Variants in CDCA2 observed in about 807,000 individuals in gnomAD.
The protein encoded by CDCA2 is cell division cycle associated 2.
A neutral mutation model predicts 67.0 loss-of-function variants in CDCA2; 44 were observed. The ratio of observed to expected loss-of-function variants is 0.66; its 90% CI spans 0.52 to 0.84. CDCA2 has a LOEUF of 0.84. Among genes scored for constraint, CDCA2 ranks in the 40% least tolerant of loss-of-function variants. CDCA2 has a pLI of 0.00. For missense variants in CDCA2, 1,253 were observed against 1,203.2 expected, an observed-to-expected ratio of 1.04 and a Z score of -0.61; for synonymous variants, 447 against 418.7, an observed-to-expected ratio of 1.07 and a Z score of -0.82.
At chr8:25,479,785 A>T in intron 7 of CDCA2, 128 bp from the exon 8 acceptor site, 1 of 798,546 alleles carries the variant, frequency 1.3e-6, no homozygotes, top group East Asian at 2.6e-5. Flanking sequence ...GTTACTGCCC[A>T]ATCAGGTTAT....
chr8:25,498,217 T>C lies in CDCA2; in HGVS notation c.1672-5156T>C, dbSNP rs542823390. ...TGTTGAATTACATTTTGTTTTGTTTTGTTTTGTTGGAATGGAGTCTCGCTC... is the reference window on the plus strand; with the variant it reads ...TGTTGAATTACATTTTGTTTTGTTTCGTTTTGTTGGAATGGAGTCTCGCTC... On this transcript the variant is annotated intron_variant, in intron 13 of 14. Transcript: ENST00000330560. Among the ~76,000 whole-genome samples the C allele has an allele frequency of 2.0e-4, 31 of 152,136 alleles. 1 individual carries two copies. The highest frequency in any genetic ancestry group is 4.1e-4 in the South Asian group (2 of 4,822).
rs185294585 is a variant in CDCA2 at position 25,495,611 on chromosome 8, T to G, written c.1671+6922T>G. On this transcript the variant is annotated intron_variant, in intron 13 of 14. Coordinates refer to ENST00000330560, the MANE Select transcript of CDCA2 (RefSeq NM_152562.4). ...TTATTTTTTATTTTTTAGTAGAGAC[T>G]GGGTTTCACCATGTTAGCCAGGATG... 3.6e-3 allele frequency among the ~76,000 whole-genome samples: 553 copies of G among 152,170 alleles called. 3 individuals are homozygous for G. Among genetic ancestry groups the G allele is most frequent in the Middle Eastern group, 6.8e-3 (2 of 294 alleles).
chr8:25,460,631 T>C lies in CDCA2; in HGVS notation c.232+77T>C. 1.4e-6 allele frequency: 2 copies of C among 1,444,284 alleles called. 1 individual carries two copies. The highest frequency in any genetic ancestry group is 2.7e-5 in the South Asian group (2 of 75,008). 89.5% of individuals were successfully genotyped at this position (1,444,284 alleles called of 1,614,324 possible). The stretch of plus-strand genomic sequence containing the variant: ...TTAATATAACTCAGCTTTATTTGTT[T>C]ATACGTACTGTCATATTTTAGGTAC... On this transcript the variant is annotated intron_variant, in intron 3 of 14. Transcript: ENST00000330560.
intron 8 of CDCA2, 50 bp downstream of exon 8, chr8:25,480,174 G>A: frequency 7.0e-7 from 1 of 1,436,616 alleles, no homozygotes; most frequent in Non-Finnish European, 9.7e-7. Flanking sequence ...AATGCATTTT[G>A]CTTCAAAGTA....
At chr8:25,485,671 A>G in intron 10 of CDCA2, 88 bp from the exon 11 acceptor site, 1 of 665,586 alleles carries the variant, frequency 1.5e-6, no homozygotes, top group Non-Finnish European at 2.5e-6. Flanking sequence ...AGTTTCTCCT[A>G]CCAAAATAAA....
chr8:25,478,208 A>G (rs1803424662), intron 7 of CDCA2, among the ~76,000 whole-genome samples: 1 of 152,130 alleles, frequency 6.6e-6, no homozygotes, highest in East Asian at 1.9e-4. Flanking sequence ...GGGATTACAG[A>G]TGTGAGCCAC....
At chr8:25,486,648 CAAAAA>C (rs34058825) in intron 11 of CDCA2, among the ~76,000 whole-genome samples, 1 of 137,470 alleles carries the variant, frequency 7.3e-6, no homozygotes, top group South Asian at 2.4e-4. Context: ...ACTGAAAATA[CAAAAA>C]AAAAAAAAAA....
chr8:25,481,719 C>G (rs1442688012), intron 8 of CDCA2, among the ~76,000 whole-genome samples: 2 of 152,028 alleles, frequency 1.3e-5, no homozygotes, highest in African/African-American at 2.4e-5. Context: ...ACATTTACAA[C>G]TAATGATCTT....
chr8:25,490,534 G>A (rs1803961558), intron 13 of CDCA2, among the ~76,000 whole-genome samples: 2 of 152,096 alleles, frequency 1.3e-5, no homozygotes, highest in African/African-American at 4.8e-5. Flanking sequence ...GAGGAGCTGG[G>A]AGCCGGCCTG....
intron 7 of CDCA2, among the ~76,000 whole-genome samples, chr8:25,477,838 G>A (rs11135869): frequency 0.56 from 84,367 of 151,754 alleles, 24,691 homozygotes; most frequent in Middle Eastern, 0.67. Flanking sequence ...GCTCATCTCT[G>A]TTTTCCTCAT....
intron 7 of CDCA2, among the ~76,000 whole-genome samples, chr8:25,476,921 G>A (rs1259092380): frequency 3.3e-5 from 5 of 152,042 alleles, no homozygotes; most frequent in African/African-American, 9.7e-5. Context: ...TGTCTGAGTT[G>A]TCTCCTCTCT....
In CDCA2 at chr8:25,487,340, T is replaced by C. The variant is rs1803818545; in HGVS notation, c.1533+6T>C. ...GGACTTCTAACAGAAGAAATGTAAG[T>C]GTTTGTGTTTGGCACAACGTATTTG... On this transcript the variant is annotated splice_donor_region_variant and intron_variant, in intron 12 of 14. Coordinates refer to ENST00000330560, the MANE Select transcript of CDCA2 (RefSeq NM_152562.4). 1.9e-6 allele frequency: 3 copies of C among 1,555,842 alleles called. No individual in the cohort carries two copies. Among genetic ancestry groups the C allele is most frequent in the Admixed American group, 1.7e-5 (1 of 58,226 alleles).
At chr8:25,495,421 C>CTTT (rs10674772) in intron 13 of CDCA2, among the ~76,000 whole-genome samples, 65 of 148,210 alleles carry the variant, frequency 4.4e-4, no homozygotes, top group South Asian at 4.3e-4. Context: ...TGGGATAAAT[C>CTTT]TTTTTTTTTT....
chr8:25,465,434 T>C (rs1007737972), intron 4 of CDCA2, among the ~76,000 whole-genome samples: 19 of 152,218 alleles, frequency 1.2e-4, no homozygotes, highest in African/African-American at 4.3e-4. Context: ...ATTTAATTTT[T>C]ATGTAAAGGG....
At position 25,462,211 on chromosome 8, in the gene CDCA2, A is replaced by G. The variant is rs1034124998; in HGVS notation, c.387+3A>G. 1 of 1,613,706 alleles carries G rather than the reference A, an allele frequency of 6.2e-7. No homozygotes were observed. The highest frequency in any genetic ancestry group is 8.5e-7 in the Non-Finnish European group (1 of 1,179,650). ...TGGCACAAGATTCTCCTTCCCAGGT[A>G]TGATTTTCTTCTAAGTTCTGTCGTG... On this transcript the variant is annotated splice_donor_region_variant and intron_variant, in intron 4 of 14. Coordinates refer to ENST00000330560, the MANE Select transcript of CDCA2 (RefSeq NM_152562.4).
At chr8:25,498,196 G>A (rs1804311567) in intron 13 of CDCA2, among the ~76,000 whole-genome samples, 1 of 151,928 alleles carries the variant, frequency 6.6e-6, no homozygotes, top group South Asian at 2.1e-4. Context: ...GTGTTTTGTT[G>A]AATTACATTT....
At position 25,507,667 on chromosome 8, in the gene CDCA2, C is replaced by T; in HGVS notation, c.3001C>T (p.Leu1001Phe). Residue 1001 changes from leucine to phenylalanine, a missense_variant, in exon 15 of 15, where the codon CTT becomes TTT. By Grantham distance (22) the Leu-to-Phe change is conservative (BLOSUM62 0). Coordinates refer to ENST00000330560, the MANE Select transcript of CDCA2 (RefSeq NM_152562.4). ...CAAAGGCTACCGGAGAAGATCCTCT[C>T]TTAATGGGAAGGGAGAGAGCTCTCT... ...QFKGYRRRSSLNGKGESSLTA... is the reference protein window; with the variant it reads ...QFKGYRRRSSFNGKGESSLTA... The T allele has an allele frequency of 6.2e-7, 1 of 1,614,160 alleles. No homozygotes were observed.
intron 7 of CDCA2, among the ~76,000 whole-genome samples, chr8:25,475,417 G>A (rs1803310506): frequency 6.6e-6 from 1 of 152,198 alleles, no homozygotes; most frequent in African/African-American, 2.4e-5. Context: ...TACTCAGGAG[G>A]CTGAGGCAGG....
rs544754302 is a variant in CDCA2, at chr8:25,506,155, C to G, written c.1844-355C>G. ...AAGCATAATGTTGCCCATTTGCAGT[C>G]ATTCATTTTCAGGGAAATGGGAAAT... On this transcript the variant is annotated intron_variant, in intron 14 of 14. Coordinates refer to ENST00000330560, the MANE Select transcript of CDCA2 (RefSeq NM_152562.4). Among the ~76,000 whole-genome samples, 43 of 152,302 alleles carry G rather than the reference C, an allele frequency of 2.8e-4. 1 individual carries two copies. The highest frequency in any genetic ancestry group is 1.0e-3 in the African/African-American group (43 of 41,562).
Sources: gnomAD v4.1 joint callset for allele counts (sites outside exome capture counted in the v4.1 genomes callset) on GRCh38, gnomAD v4.1.1 for gene constraint, MANE v1.5 for transcripts, NCBI Gene and HGNC (gene_info 2026-07-23, HGNC 2026-07-21) for gene names.